Variants in LRRK1 observed in about 807,000 individuals in gnomAD.
LRRK1 encodes the protein leucine-rich repeat serine/threonine-protein kinase 1.
In LRRK1, 113 loss-of-function variants were observed where a neutral mutation model predicts 209.1. The ratio of observed to expected loss-of-function variants is 0.54; its 90% confidence interval spans 0.46 to 0.63. The LOEUF is 0.63. LRRK1 is among the 30% of genes least tolerant of loss of function. The probability of loss-of-function intolerance (pLI) is 0.00; values close to 1 mark genes in which losing one functional copy is unlikely to be tolerated. For synonymous variants in LRRK1, 1,144 were observed against 1,099.7 expected (o/e 1.04, Z -0.80); for missense variants, 2,284 against 2,632.2 (o/e 0.87, Z 2.89).
At chr15:101,009,113 T>C in intron 7 of LRRK1, 50 bp downstream of exon 7, 1 of 1,389,044 alleles carries the variant, frequency 7.2e-7, no homozygotes, top group East Asian at 2.3e-5. Flanking sequence ...GCTGTCACCG[T>C]TGTGCTCCTG....
At chr15:101,065,255 C>G in intron 31 of LRRK1, 97 bp from the exon 32 acceptor site, 1 of 1,454,434 alleles carries the variant, frequency 6.9e-7, no homozygotes. Context: ...TGACTGCCCG[C>G]CTGGTGTGGG....
chr15:101,025,475 T>C (rs1276509703), intron 16 of LRRK1, among the ~76,000 whole-genome samples: 1 of 152,196 alleles, frequency 6.6e-6, no homozygotes, highest in African/African-American at 2.4e-5. Context: ...GGGTAATTTA[T>C]GAAGAAAAGA....
At chr15:101,013,669 T>G (rs1265783145) in intron 10 of LRRK1, among the ~76,000 whole-genome samples, 2 of 152,134 alleles carry the variant, frequency 1.3e-5, no homozygotes, top group Admixed American at 1.3e-4. Flanking sequence ...GTGTTACAGG[T>G]GCAAGGTAGC....
intron 1 of LRRK1, among the ~76,000 whole-genome samples, chr15:100,921,535 G>GACTTCTA (rs939803368): frequency 7.6e-6 from 1 of 130,868 alleles, no homozygotes; most frequent in Non-Finnish European, 1.6e-5. Context: ...GCTTGCAAGG[G>GACTTCTA]ACTTCTAACT....
rs2042078142 is a variant in LRRK1, at chr15:100,924,680, G to A, written c.48G>A (p.Gly16=). 6.2e-7 allele frequency: 1 copy of A among 1,614,180 alleles called. No individual in the cohort carries two copies. The change falls in exon 2 of 34, where the codon GGG becomes GGA. Residue 16 remains glycine, a synonymous_variant. Coordinates refer to ENST00000388948, the MANE Select transcript of LRRK1 (RefSeq NM_024652.6). Reference sequence around the variant, plus strand: ...CCCCCAGCATGTACTGGTGTGTGGGGCCGGAGGAGTCAGCTGTGTGTCCAG... The same window carrying A: ...CCCCCAGCATGTACTGGTGTGTGGGACCGGAGGAGTCAGCTGTGTGTCCAG... ...QRPPSMYWCV[G]PEESAVCPER... is the part of the protein sequence containing the mutation.
At chr15:100,993,276 G>A (rs979131544) in intron 6 of LRRK1, among the ~76,000 whole-genome samples, 7 of 152,026 alleles carry the variant, frequency 4.6e-5, no homozygotes, top group African/African-American at 1.7e-4. Flanking sequence ...TACAGTATTT[G>A]AGCCCTTTAT....
At chr15:101,055,823 C>T (rs1422362300) in intron 27 of LRRK1, among the ~76,000 whole-genome samples, 1 of 152,222 alleles carries the variant, frequency 6.6e-6, no homozygotes, top group African/African-American at 2.4e-5. Context: ...TTGAAGTCAT[C>T]TTACCACGCA....
intron 10 of LRRK1, 29 bp from the exon 11 acceptor site, chr15:101,014,287 G>C: frequency 6.6e-7 from 1 of 1,504,518 alleles, no homozygotes. Context: ...TGCTATCTTA[G>C]CTTCTCTCTC....
chr15:101,041,579 C>T (rs2141116477), intron 20 of LRRK1, among the ~76,000 whole-genome samples: 1 of 152,298 alleles, frequency 6.6e-6, no homozygotes, highest in South Asian at 2.1e-4. Context: ...TACCTTATCA[C>T]AATCTACTTG....
At position 101,065,532 on chromosome 15, in the gene LRRK1, G is replaced by A; in HGVS notation, c.5095G>A (p.Val1699Ile). The A allele has an allele frequency of 6.2e-7, 1 of 1,614,202 alleles. No homozygotes were observed. Among genetic ancestry groups the A allele is most frequent in the Non-Finnish European group, 8.5e-7 (1 of 1,180,036 alleles). Reference protein sequence around the residue: ...NPYPVKAMEVVNSGSEVWYSN... With the variant: ...NPYPVKAMEVINSGSEVWYSN... The stretch of plus-strand genomic sequence containing the variant: ...CTACCCAGTGAAGGCCATGGAGGTG[G>A]TCAACAGCGGCTCTGAGGTCTGGTA... The change falls in exon 32 of 34, where the codon GTC becomes ATC. Residue 1699 changes from valine to isoleucine, a missense_variant. Val to Ile is a conservative substitution (Grantham distance 29). Coordinates refer to ENST00000388948, the MANE Select transcript of LRRK1 (RefSeq NM_024652.6).
chr15:100,961,585 A>G (rs1298130061), intron 2 of LRRK1, among the ~76,000 whole-genome samples: 1 of 151,430 alleles, frequency 6.6e-6, no homozygotes, highest in Non-Finnish European at 1.5e-5. Context: ...TCTGGGAGGC[A>G]GAGGTTGCAG....
chr15:100,924,726 A>G lies in LRRK1; in HGVS notation c.94A>G (p.Asn32Asp), dbSNP rs2042079260. The change falls in exon 2 of 34, where the codon AAC becomes GAC. Residue 32 changes from asparagine (N) to aspartate (D), a missense_variant. By Grantham distance (23) the Asn-to-Asp change is conservative. Transcript: ENST00000388948. ...VCPERAMETL[N>D]GAGDTGGKPS... is the part of the protein sequence containing the mutation. The stretch of plus-strand genomic sequence containing the variant: ...TCCAGAACGTGCCATGGAGACGCTT[A>G]ACGGTAAGGACAGGGCTGTGCTTAT... 1 of 1,613,396 alleles carries G rather than the reference A, an allele frequency of 6.2e-7. No individual in the cohort carries two copies. The highest frequency in any genetic ancestry group is 1.7e-5 in the Admixed American group (1 of 60,002).
At chr15:101,046,376 C>T (rs1022370038) in intron 21 of LRRK1, among the ~76,000 whole-genome samples, 5 of 152,368 alleles carry the variant, frequency 3.3e-5, no homozygotes, top group East Asian at 1.9e-4. Context: ...AGACAGAACA[C>T]GCCCTTTATA....
intron 20 of LRRK1, among the ~76,000 whole-genome samples, chr15:101,044,570 A>G (rs1440495261): frequency 1.3e-5 from 2 of 152,142 alleles, no homozygotes; most frequent in African/African-American, 2.4e-5. Flanking sequence ...TTCTGTGGCC[A>G]CTCAGGATCT....
At chr15:100,932,818 C>T (rs1049080302) in intron 2 of LRRK1, among the ~76,000 whole-genome samples, 4 of 152,186 alleles carry the variant, frequency 2.6e-5, no homozygotes, top group African/African-American at 9.7e-5. Flanking sequence ...ATGAATATTT[C>T]CTTCCCTTTT....
intron 6 of LRRK1, among the ~76,000 whole-genome samples, chr15:101,004,718 G>T (rs2141686203): frequency 6.6e-6 from 1 of 152,324 alleles, no homozygotes; most frequent in East Asian, 1.9e-4. Context: ...AGTTAGTTAA[G>T]CAGCCTGAGG....
intron 2 of LRRK1, among the ~76,000 whole-genome samples, chr15:100,944,288 G>C (rs1057172690): frequency 6.6e-6 from 1 of 152,186 alleles, no homozygotes; most frequent in African/African-American, 2.4e-5. Flanking sequence ...ATCTGTGACT[G>C]CAACAACCAC....
intron 2 of LRRK1, among the ~76,000 whole-genome samples, chr15:100,931,268 C>T (rs1336325158): frequency 1.3e-5 from 2 of 152,208 alleles, no homozygotes; most frequent in African/African-American, 4.8e-5. Context: ...TCTCATCCTC[C>T]ATTCAACATC....
intron 3 of LRRK1, among the ~76,000 whole-genome samples, chr15:100,975,998 C>T (rs191795084): frequency 6.6e-6 from 1 of 152,100 alleles, no homozygotes; most frequent in Non-Finnish European, 1.5e-5. Flanking sequence ...TAAAAGAGAA[C>T]TTCATGACAG....
Sources: allele counts gnomAD v4.1 joint callset (sites outside exome capture counted in the v4.1 genomes callset), GRCh38; gene constraint gnomAD v4.1.1; transcripts MANE v1.5; gene names NCBI Gene and HGNC (gene_info 2026-07-23, HGNC 2026-07-21).